Variants in AKAP13 observed in about 807,000 individuals in gnomAD.
The protein encoded by AKAP13 is A-kinase anchor protein 13.
AKAP13 carries 80 observed loss-of-function variants against 264.5 expected under a neutral mutation model. The observed-to-expected ratio is 0.30, with a 90% confidence interval of 0.25 to 0.36. The LOEUF is 0.36. AKAP13 is among the 10% of genes least tolerant of loss of function. The probability of loss-of-function intolerance (pLI) is 1.00; values close to 1 mark genes in which losing one functional copy is unlikely to be tolerated. For missense variants in AKAP13, 3,712 were observed against 3,435.2 expected, an observed-to-expected ratio of 1.08 and a Z score of -2.01; for synonymous variants, 1,380 against 1,250.2, an observed-to-expected ratio of 1.10 and a Z score of -2.19.
At chr15:85,442,723 C>T (rs2073753302) in intron 1 of AKAP13, among the ~76,000 whole-genome samples, 1 of 151,328 alleles carries the variant, frequency 6.6e-6, no homozygotes, top group Non-Finnish European at 1.5e-5. Context: ...CTGATTTTGG[C>T]TCAGCAACAC....
intron 3 of AKAP13, among the ~76,000 whole-genome samples, chr15:85,530,353 A>G (rs2077208224): frequency 6.6e-6 from 1 of 152,136 alleles, no homozygotes; most frequent in African/African-American, 2.4e-5. Context: ...TGCTGTGTGA[A>G]TGGTGTTTAC....
chr15:85,389,939 A>AT lies in AKAP13; in HGVS notation c.-12+9142dup, dbSNP rs1306967272. The stretch of plus-strand genomic sequence containing the variant: ...TGCTTTTGCGTTTTTGTTTCTTAGC[A>AT]TATATGCTTTATGTCGCAAGTTGTA... On this transcript the variant is annotated intron_variant, in intron 1 of 36. Transcript: ENST00000394518. 2.0e-5 allele frequency: 3 copies of AT among 152,212 alleles called. No individual in the cohort carries two copies. The East Asian group carries it at 5.8e-4, about 29-fold the overall frequency. 9.4% of individuals were successfully genotyped at this position (152,212 alleles called of 1,614,324 possible).
chr15:85,637,692 C>T (rs1596831569), intron 8 of AKAP13, among the ~76,000 whole-genome samples: 2 of 152,076 alleles, frequency 1.3e-5, no homozygotes, highest in East Asian at 1.9e-4. Context: ...TTTCTAGTTT[C>T]ATAAGGTAGA....
intron 5 of AKAP13, among the ~76,000 whole-genome samples, chr15:85,563,285 C>G (rs926623796): frequency 2.7e-5 from 4 of 148,722 alleles, no homozygotes; most frequent in African/African-American, 7.4e-5. Flanking sequence ...CATTTTCCAG[C>G]CTGTCGGAAT....
intron 1 of AKAP13, among the ~76,000 whole-genome samples, chr15:85,420,034 C>T (rs558419322): frequency 7.3e-5 from 11 of 150,838 alleles, no homozygotes; most frequent in East Asian, 3.9e-4. Context: ...CTCCGCCTCC[C>T]GGGTTCACAC....
At chr15:85,468,947 T>C (rs2074854588) in intron 1 of AKAP13, among the ~76,000 whole-genome samples, 1 of 134,240 alleles carries the variant, frequency 7.4e-6, no homozygotes, top group Non-Finnish European at 1.5e-5. Flanking sequence ...AGACTTTTGC[T>C]CTTGTCACCC....
intron 3 of AKAP13, among the ~76,000 whole-genome samples, chr15:85,532,313 A>C (rs1232464402): frequency 6.6e-6 from 1 of 152,246 alleles, no homozygotes; most frequent in Non-Finnish European, 1.5e-5. Flanking sequence ...GTCTCTTTCA[A>C]AGACAGCAGA....
At chr15:85,647,039 G>T (rs1235998585) in intron 10 of AKAP13, among the ~76,000 whole-genome samples, 4 of 152,216 alleles carry the variant, frequency 2.6e-5, no homozygotes, top group African/African-American at 9.6e-5. Flanking sequence ...GCTCGGAGAA[G>T]TGGTGAGAGC....
chr15:85,695,388 A>AGT (rs2085509793), intron 17 of AKAP13, among the ~76,000 whole-genome samples: 1 of 152,150 alleles, frequency 6.6e-6, no homozygotes. Context: ...TGGGCAACAG[A>AGT]GTGAGACTCC....
At chr15:85,419,207 C>G (rs1459937208) in intron 1 of AKAP13, among the ~76,000 whole-genome samples, 2 of 152,190 alleles carry the variant, frequency 1.3e-5, no homozygotes, top group Non-Finnish European at 2.9e-5. Context: ...AACTTCTTTG[C>G]AAGTACTTTG....
chr15:85,434,654 TCCCTGAC>T (rs1002259494), intron 1 of AKAP13, among the ~76,000 whole-genome samples: 12 of 151,962 alleles, frequency 7.9e-5, no homozygotes, highest in African/African-American at 1.9e-4. Context: ...CTCAAGTGGG[TCCCTGAC>T]CCCTGACCCC....
chr15:85,551,352 GT>G (rs1348800566), intron 5 of AKAP13, among the ~76,000 whole-genome samples: 1 of 152,194 alleles, frequency 6.6e-6, no homozygotes, highest in Non-Finnish European at 1.5e-5. Context: ...TAGGTATTTT[GT>G]GTAAATTCTC....
chr15:85,492,308 C>T lies in AKAP13; in HGVS notation c.33+6555C>T, dbSNP rs75722918. On this transcript the variant is annotated intron_variant, in intron 2 of 36. Transcript: ENST00000394518. ...AAGGCAGGAGGATCGCTTGAGCCCA[C>T]GAGTTCAAGCCTGCAGTGAGCTATG... Among the ~76,000 whole-genome samples the T allele has an allele frequency of 1.1e-3, 173 of 152,248 alleles. 1 individual carries two copies. Among genetic ancestry groups the T allele is most frequent in the African/African-American group, 3.9e-3 (162 of 41,548 alleles).
intron 1 of AKAP13, among the ~76,000 whole-genome samples, chr15:85,459,656 C>T (rs527518278): frequency 2.0e-5 from 3 of 152,104 alleles, no homozygotes; most frequent in East Asian, 1.9e-4. Flanking sequence ...ACCGCCACAA[C>T]GCCCAGCTAA....
intron 5 of AKAP13, among the ~76,000 whole-genome samples, chr15:85,563,344 TTTTTTTTTTTA>T (rs1423974460): frequency 7.9e-5 from 11 of 139,046 alleles, no homozygotes; most frequent in South Asian, 2.2e-4. Flanking sequence ...TTTTTTTTTT[TTTTTTTTTTTA>T]AAGACGGAGA....
chr15:85,732,859 G>C (rs1341882073), intron 30 of AKAP13, among the ~76,000 whole-genome samples: 3 of 151,124 alleles, frequency 2.0e-5, no homozygotes, highest in African/African-American at 7.3e-5. Context: ...AATACTAATA[G>C]TATTACTAAC....
chr15:85,740,752 CACAG>C (rs1156702872), intron 34 of AKAP13, among the ~76,000 whole-genome samples: 3 of 128,264 alleles, frequency 2.3e-5, no homozygotes, highest in Non-Finnish European at 1.7e-5. Flanking sequence ...CACCCACCCA[CACAG>C]ACACACACAC....
chr15:85,587,888 T>C (rs1465216217), intron 8 of AKAP13, among the ~76,000 whole-genome samples: 1 of 152,202 alleles, frequency 6.6e-6, no homozygotes, highest in Non-Finnish European at 1.5e-5. Context: ...TTTCAAGTGA[T>C]CCACCCGCCT....
chr15:85,613,713 T>TATATATATGTATGTATATATATATA (rs1254657975), intron 8 of AKAP13, among the ~76,000 whole-genome samples: 4 of 111,028 alleles, frequency 3.6e-5, no homozygotes, highest in East Asian at 3.4e-4. Context: ...TATATATATA[T>TATATATATGTATGTATATATATATA]TAGGAGTGCT....
Sources: allele counts gnomAD v4.1 joint callset (sites outside exome capture counted in the v4.1 genomes callset), GRCh38; gene constraint gnomAD v4.1.1; transcripts MANE v1.5; gene names NCBI Gene and HGNC (gene_info 2026-07-23, HGNC 2026-07-21).